Variants in CEP89 observed in about 807,000 individuals in gnomAD.
The protein encoded by CEP89 is centrosomal protein of 89 kDa.
A neutral mutation model predicts 97.6 loss-of-function variants in CEP89; 95 were observed. The ratio of observed to expected loss-of-function variants is 0.97; its 90% confidence interval spans 0.82 to 1.15. The LOEUF is 1.15. Ranked by LOEUF, CEP89 falls within the 50% of genes most tolerant of loss-of-function variation. CEP89 has a pLI of 0.00. For synonymous variants in CEP89, 354 were observed against 349.1 expected (o/e 1.01, Z -0.16); for missense variants, 869 against 947.7 (o/e 0.92, Z 1.09).
chr19:32,923,587 A>T (rs1451771131), intron 11 of CEP89, 45 bp from the exon 12 acceptor site: 1 of 1,196,196 alleles, frequency 8.4e-7, no homozygotes, highest in African/African-American at 1.5e-5. Context: ...ATACCCACGC[A>T]TCTATATTTC....
At chr19:32,924,180 C>T (rs117926642) in intron 11 of CEP89, among the ~76,000 whole-genome samples, 27 of 151,950 alleles carry the variant, frequency 1.8e-4, no homozygotes, top group South Asian at 1.0e-3. Context: ...TGTGTATAGA[C>T]GAGGTTTCGC....
At chr19:32,931,206 C>T (rs1285598630) in intron 9 of CEP89, 3 of 522,458 alleles carry the variant, frequency 5.7e-6, no homozygotes, top group Non-Finnish European at 9.9e-6. Flanking sequence ...ACTTTGTACA[C>T]TTCTGTATTG....
intron 11 of CEP89, among the ~76,000 whole-genome samples, chr19:32,924,233 T>C (rs1014356323): frequency 9.2e-5 from 14 of 152,286 alleles, no homozygotes; most frequent in African/African-American, 3.4e-4. Context: ...GCTCAAGGAA[T>C]CTTCCTGCCT....
At chr19:32,940,765 C>CTT (rs71338602) in intron 5 of CEP89, among the ~76,000 whole-genome samples, 9 of 143,418 alleles carry the variant, frequency 6.3e-5, no homozygotes, top group Middle Eastern at 3.7e-3. Context: ...CATCGAGTTG[C>CTT]TTTTTTTTTT....
chr19:32,888,637 C>T (rs1459773630), intron 16 of CEP89, among the ~76,000 whole-genome samples: 1 of 150,002 alleles, frequency 6.7e-6, no homozygotes, highest in Non-Finnish European at 1.5e-5. Flanking sequence ...GAGCTGAGAT[C>T]GCGCCACCGC....
At chr19:32,906,937 G>A (rs1176640116) in intron 14 of CEP89, among the ~76,000 whole-genome samples, 6 of 152,138 alleles carry the variant, frequency 3.9e-5, no homozygotes, top group Admixed American at 3.9e-4. Context: ...GGGCCCAAGA[G>A]ATCCTCCCGC....
intron 14 of CEP89, among the ~76,000 whole-genome samples, chr19:32,907,469 T>G (rs1969911705): frequency 6.6e-6 from 1 of 151,990 alleles, no homozygotes; most frequent in Non-Finnish European, 1.5e-5. Context: ...TTTTTTTTTT[T>G]TTGACGGATT....
chr19:32,931,252 G>T, intron 9 of CEP89, 177 bp downstream of exon 9: 2 of 572,170 alleles, frequency 3.5e-6, no homozygotes, highest in South Asian at 2.6e-5. Context: ...CCTTTATTAC[G>T]GGGAAGAAGG....
intron 7 of CEP89, among the ~76,000 whole-genome samples, chr19:32,935,745 T>A (rs1007690635): frequency 1.3e-5 from 2 of 152,138 alleles, no homozygotes; most frequent in African/African-American, 4.8e-5. Context: ...CCAAGCCTCT[T>A]GCTCCATGGA....
At chr19:32,922,173 T>A (rs563669904) in intron 12 of CEP89, among the ~76,000 whole-genome samples, 1 of 152,158 alleles carries the variant, frequency 6.6e-6, no homozygotes, top group South Asian at 2.1e-4. Context: ...GAGGCAGATG[T>A]GGAGGCAGAC....
In CEP89 at chr19:32,951,511, TTATATATATATATATA is replaced by T. The variant is rs72440449; in HGVS notation, c.492+2088_492+2103del. Among the ~76,000 whole-genome samples, 950 of 132,018 alleles carry T rather than the reference TTATATATATATATATA, an allele frequency of 7.2e-3. 11 individuals carry two copies. The highest frequency in any genetic ancestry group is 0.01 in the Non-Finnish European group (663 of 63,844). The allele number at this position is 132,018 out of a possible 152,430, so 86.6% of individuals were successfully genotyped here. A position where few individuals can be genotyped will look rare whatever the true frequency, so the allele number is the denominator to read the frequency against. ...AAAAGAAATAAACAACAACAAAAAA[TTATATATATATATATA>T]TATATATACACACACACACACACAC... On this transcript the variant is annotated intron_variant, in intron 4 of 18. Coordinates refer to ENST00000305768, the MANE Select transcript of CEP89 (RefSeq NM_032816.5).
Position 32,878,258 on chromosome 19 carries a change from A to G in CEP89, c.*904T>C, listed in dbSNP as rs1459011437. On this transcript the variant is annotated 3_prime_UTR_variant, in exon 19 of 19. Transcript: ENST00000305768. Reference sequence around the variant, plus strand: ...AGACCCTGTCTCAAAACAAACAAACAAAAGTAACAACTAAACAAAAGAGAA... The same window carrying G: ...AGACCCTGTCTCAAAACAAACAAACGAAAGTAACAACTAAACAAAAGAGAA... 6.5e-6 allele frequency: 1 copy of G among 152,700 alleles called. No individual in the cohort carries two copies. Among genetic ancestry groups the G allele is most frequent in the African/African-American group, 2.4e-5 (1 of 41,456 alleles). The allele number at this position is 152,700 out of a possible 1,614,324, so 9.5% of individuals were successfully genotyped here. A position where few individuals can be genotyped will look rare whatever the true frequency, so the allele number is the denominator to read the frequency against.
At chr19:32,942,916 CTG>C (rs1970718261) in intron 5 of CEP89, among the ~76,000 whole-genome samples, 1 of 148,948 alleles carries the variant, frequency 6.7e-6, no homozygotes, top group Non-Finnish European at 1.5e-5. Flanking sequence ...GTGGTGGAAA[CTG>C]CACTGCAGCC....
At chr19:32,887,030 A>AAAAAAAAAAAATAC in intron 17 of CEP89, among the ~76,000 whole-genome samples, 1 of 50,164 alleles carries the variant, frequency 2.0e-5, no homozygotes. Context: ...AAAAAAATAC[A>AAAAAAAAAAAATAC]AAAAAAAAAA....
chr19:32,915,555 A>G, intron 13 of CEP89, 38 bp from the exon 14 acceptor site: 1 of 1,552,288 alleles, frequency 6.4e-7, no homozygotes, highest in South Asian at 1.2e-5. Flanking sequence ...CTTGGCACAG[A>G]AGACCTCACA....
At chr19:32,948,126 T>C (rs1036149610) in intron 5 of CEP89, 140 bp downstream of exon 5, 3 of 548,394 alleles carry the variant, frequency 5.5e-6, no homozygotes, top group Admixed American at 3.1e-5. Context: ...CAATAAAAAA[T>C]AAATTTCAAT....
intron 5 of CEP89, 45 bp from the exon 6 acceptor site, chr19:32,939,930 T>G (rs750856199): frequency 2.2e-6 from 2 of 918,652 alleles, no homozygotes; most frequent in Admixed American, 4.4e-5. Flanking sequence ...AAGTAGATAA[T>G]GAAATATGAC....
At chr19:32,944,429 C>T (rs1054174096) in intron 5 of CEP89, among the ~76,000 whole-genome samples, 8 of 152,006 alleles carry the variant, frequency 5.3e-5, no homozygotes, top group East Asian at 1.9e-4. Flanking sequence ...CAGGAGGAAA[C>T]GAGATGTCCT....
chr19:32,935,440 ACG>A (rs1398275148), intron 7 of CEP89, among the ~76,000 whole-genome samples: 3 of 152,162 alleles, frequency 2.0e-5, no homozygotes, highest in African/African-American at 4.8e-5. Flanking sequence ...TTTCAGAGAG[ACG>A]TAGTCAGTGT....
Sources: allele counts gnomAD v4.1 joint callset (sites outside exome capture counted in the v4.1 genomes callset), GRCh38; gene constraint gnomAD v4.1.1; transcripts MANE v1.5; gene names NCBI Gene and HGNC (gene_info 2026-07-23, HGNC 2026-07-21).